Variants in MYO10 observed in about 807,000 individuals in gnomAD.
MYO10 encodes the protein myosin X.
In MYO10, 133 loss-of-function variants were observed where a neutral mutation model predicts 257.3. The ratio of observed to expected loss-of-function variants is 0.52; its 90% CI spans 0.45 to 0.60. The LOEUF is 0.60. MYO10 is among the 20% of genes least tolerant of loss of function. The pLI, the probability that MYO10 is intolerant of heterozygous loss-of-function variation, is 0.00. For synonymous variants in MYO10, 1,104 were observed against 1,028.6 expected (o/e 1.07, Z -1.40); for missense variants, 2,399 against 2,635.7 (o/e 0.91, Z 1.97).
intron 25 of MYO10, among the ~76,000 whole-genome samples, chr5:16,700,601 C>T (rs1386470688): frequency 6.6e-6 from 1 of 152,094 alleles, no homozygotes; most frequent in Non-Finnish European, 1.5e-5. Context: ...AGCTTGGACC[C>T]GAGAGGTGGG....
At chr5:16,755,751 A>G (rs1190362861) in intron 18 of MYO10, among the ~76,000 whole-genome samples, 1 of 142,098 alleles carries the variant, frequency 7.0e-6, no homozygotes, top group African/African-American at 2.6e-5. Context: ...TAGAGTTTTT[A>G]ACATTTACCA....
rs1738605202 is a variant in MYO10, at chr5:16,711,344, T to C, written c.1930-99A>G. The C allele has an allele frequency of 7.5e-6, 9 of 1,195,708 alleles. No homozygotes were observed. In the East Asian group the frequency reaches 2.1e-4, roughly 27 times the overall value. The allele number at this position is 1,195,708 out of a possible 1,614,324, so 74.1% of individuals were successfully genotyped here. Reference sequence around the variant, plus strand: ...CACCTCCATCATTGGTTTACCCCGCTTCAAAACACATACGAGAATCTTGAA... The same window carrying C: ...CACCTCCATCATTGGTTTACCCCGCCTCAAAACACATACGAGAATCTTGAA... On this transcript the variant is annotated intron_variant, in intron 19 of 40. Coordinates refer to ENST00000513610, the MANE Select transcript of MYO10 (RefSeq NM_012334.3).
intron 3 of MYO10, among the ~76,000 whole-genome samples, chr5:16,817,385 C>A (rs1742656709): frequency 6.6e-6 from 1 of 152,168 alleles, no homozygotes; most frequent in African/African-American, 2.4e-5. Flanking sequence ...TCTGTACTTT[C>A]ACGTCAAAAA....
chr5:16,689,994 A>G (rs1737423966), intron 27 of MYO10, 75 bp from the exon 28 acceptor site: 1 of 1,061,642 alleles, frequency 9.4e-7, no homozygotes, highest in Non-Finnish European at 1.5e-6. Context: ...CAACTAATGA[A>G]GCCAATGACT....
In MYO10 at chr5:16,889,497, AGG is replaced by A. The variant is rs1244599834; in HGVS notation, c.22-11792_22-11791del. 9.1e-5 allele frequency among the ~76,000 whole-genome samples: 5 copies of A among 54,666 alleles called. No homozygotes were observed. In the Admixed American group the frequency reaches 9.2e-4, roughly 10 times the overall value. The allele number at this position is 54,666 out of a possible 152,430, so 35.9% of individuals were successfully genotyped here. A position where few individuals can be genotyped will look rare whatever the true frequency, so the allele number is the denominator to read the frequency against. ...AAAGAAAGAAGGAAGGAAGGAAGGA[AGG>A]AAGGAAGGAAGGAAGGAAGGAAGGA... is the stretch of plus-strand genomic sequence containing the variant. On this transcript the variant is annotated intron_variant, in intron 1 of 40. Transcript: ENST00000513610.
At chr5:16,699,903 G>C (rs1246004731) in intron 25 of MYO10, among the ~76,000 whole-genome samples, 2 of 151,946 alleles carry the variant, frequency 1.3e-5, no homozygotes, top group Non-Finnish European at 2.9e-5. Flanking sequence ...AACTTTTAAG[G>C]TCAAATGGTC....
At chr5:16,769,796 A>G (rs1170598772) in intron 9 of MYO10, among the ~76,000 whole-genome samples, 2 of 152,248 alleles carry the variant, frequency 1.3e-5, no homozygotes, top group African/African-American at 2.4e-5. Flanking sequence ...GAATTACCTC[A>G]GGGAGTCACA....
intron 2 of MYO10, among the ~76,000 whole-genome samples, chr5:16,831,278 A>G (rs1743154439): frequency 6.6e-6 from 1 of 152,216 alleles, no homozygotes; most frequent in Non-Finnish European, 1.5e-5. Flanking sequence ...GTGGGAATGC[A>G]AACAAGTACA....
chr5:16,691,474 G>A (rs554159655), intron 27 of MYO10, among the ~76,000 whole-genome samples: 9 of 152,104 alleles, frequency 5.9e-5, no homozygotes, highest in South Asian at 2.1e-4. Flanking sequence ...TGAGGCAGGC[G>A]GATCACTTCA....
intron 2 of MYO10, among the ~76,000 whole-genome samples, chr5:16,848,155 C>CTTTTTTTTTTTTTTCTTT (rs2072849113): frequency 1.8e-5 from 2 of 113,596 alleles, no homozygotes; most frequent in African/African-American, 7.5e-5. Context: ...CTACACATTT[C>CTTTTTTTTTTTTTTCTTT]TTTTTTTTTT....
At chr5:16,926,809 T>C (rs112708547) in intron 1 of MYO10, among the ~76,000 whole-genome samples, 314 of 152,038 alleles carry the variant, frequency 2.1e-3, no homozygotes, top group Middle Eastern at 3.5e-3. Flanking sequence ...TCTAACCACA[T>C]AACAAGTGAG....
At chr5:16,924,943 G>T (rs1156395892) in intron 1 of MYO10, among the ~76,000 whole-genome samples, 1 of 148,996 alleles carries the variant, frequency 6.7e-6, no homozygotes, top group Non-Finnish European at 1.5e-5. Context: ...CCATTCTCCT[G>T]CCTCAGCCTC....
In MYO10 at chr5:16,701,821, C is replaced by T. The variant is rs1224397610; in HGVS notation, c.2574G>A (p.Lys858=). ...LRAQQEEETR[K]QQELEALQKS... is the part of the protein sequence containing the mutation. ...TCTGCAAGGCTTCGAGTTCTTGCTG[C>T]TTCCTCGTTTCTTCTTCCTGGACAG... The change falls in exon 25 of 41, where the codon AAG becomes AAA. Residue 858 remains lysine (K), a synonymous_variant. Transcript: ENST00000513610. This position sits in a 1 kb window ranked among gnomAD's most constrained non-coding sequence, Gnocchi z 8.1. The T allele has an allele frequency of 1.2e-6, 2 of 1,603,560 alleles. No homozygotes were observed. The highest frequency in any genetic ancestry group is 1.7e-6 in the Non-Finnish European group (2 of 1,176,390).
At chr5:16,678,433 A>G (rs775124854) in intron 33 of MYO10, among the ~76,000 whole-genome samples, 1 of 152,114 alleles carries the variant, frequency 6.6e-6, no homozygotes, top group Non-Finnish European at 1.5e-5. Context: ...TACAAAAATT[A>G]GCTGGGCGTG....
chr5:16,897,194 CCAGT>C (rs1388441191), intron 1 of MYO10, among the ~76,000 whole-genome samples: 1 of 151,546 alleles, frequency 6.6e-6, no homozygotes, highest in Non-Finnish European at 1.5e-5. Context: ...AGTTGAAAGA[CCAGT>C]CATTTTAAAA....
intron 2 of MYO10, among the ~76,000 whole-genome samples, chr5:16,870,701 C>A (rs377541874): frequency 3.3e-5 from 5 of 151,830 alleles, no homozygotes; most frequent in Admixed American, 2.6e-4. Context: ...GAGACCAGCC[C>A]GACCAACATG....
At chr5:16,891,388 G>GAC in intron 1 of MYO10, among the ~76,000 whole-genome samples, 1 of 147,550 alleles carries the variant, frequency 6.8e-6, no homozygotes, top group Non-Finnish European at 1.5e-5. Flanking sequence ...AGGAGAGAGA[G>GAC]AGGAAGGAGG....
Position 16,754,011 on chromosome 5 carries a change from TAATTACATTACAATTAAATTACATAAA to T in MYO10, c.1929+790_1929+816del, listed in dbSNP as rs1459846619. Reference sequence around the variant, plus strand: ...AAAATTACAATTAAATTTTACAATTTAATTACATTACAATTAAATTACATAAAAATTACATTACAATTAAATTACATA... The same window carrying T: ...AAAATTACAATTAAATTTTACAATTTAATTACATTACAATTAAATTACATA... On this transcript the variant is annotated intron_variant, in intron 19 of 40. Coordinates refer to ENST00000513610, the MANE Select transcript of MYO10 (RefSeq NM_012334.3). 2.0e-4 allele frequency among the ~76,000 whole-genome samples: 31 copies of T among 152,302 alleles called. 1 individual carries two copies. The highest frequency in any genetic ancestry group is 1.4e-3 in the Admixed American group (21 of 15,270).
chr5:16,759,723 T>C (rs1048583750), intron 17 of MYO10, among the ~76,000 whole-genome samples: 6 of 152,228 alleles, frequency 3.9e-5, no homozygotes, highest in African/African-American at 1.4e-4. Context: ...AGGGCTTTTA[T>C]TTAAACGTAT....
Sources: allele counts gnomAD v4.1 joint callset (sites outside exome capture counted in the v4.1 genomes callset), GRCh38; gene constraint gnomAD v4.1.1; non-coding constraint Gnocchi (gnomAD v3.1); transcripts MANE v1.5; gene names NCBI Gene and HGNC (gene_info 2026-07-23, HGNC 2026-07-21).